The following AGBL4 variants were observed in gnomAD, a reference collection of about 807,000 sequenced individuals.
AGBL4 encodes the protein AGBL carboxypeptidase 4, also known as cytosolic carboxypeptidase 6.
In AGBL4, 58 loss-of-function variants were observed where a neutral mutation model predicts 66.4. The observed-to-expected ratio is 0.87, with a 90% CI of 0.71 to 1.09. AGBL4 has a LOEUF of 1.09. AGBL4 is among the 50% of genes least tolerant of loss of function. The pLI is 0.00. For missense variants in AGBL4, 579 were observed against 631.0 expected (o/e 0.92, Z 0.88); for synonymous variants, 234 against 222.9 (o/e 1.05, Z -0.44).
intron 6 of AGBL4, among the ~76,000 whole-genome samples, chr1:48,790,434 T>C (rs945537093): frequency 3.9e-5 from 6 of 152,184 alleles, no homozygotes; most frequent in Non-Finnish European, 7.4e-5. Flanking sequence ...TTTCCCTTTT[T>C]TTGGCAATGT....
chr1:49,277,681 A>G (rs1035287413), intron 3 of AGBL4, among the ~76,000 whole-genome samples: 15 of 151,816 alleles, frequency 9.9e-5, no homozygotes, highest in African/African-American at 3.4e-4. Context: ...AAGTGGGAAA[A>G]TTGAAGATCA....
chr1:49,425,753 G>C (rs1293006258), intron 3 of AGBL4, among the ~76,000 whole-genome samples: 1 of 152,168 alleles, frequency 6.6e-6, no homozygotes, highest in East Asian at 1.9e-4. Context: ...TAGAGACCAG[G>C]GGTGAGGGGG....
intron 8 of AGBL4, among the ~76,000 whole-genome samples, chr1:48,642,112 C>T (rs1336142816): frequency 1.3e-5 from 2 of 152,130 alleles, no homozygotes; most frequent in African/African-American, 2.4e-5. Context: ...CCATAGCCCC[C>T]ATTGACCCCT....
chr1:49,132,225 T>C (rs2148071248), intron 4 of AGBL4, among the ~76,000 whole-genome samples: 1 of 152,082 alleles, frequency 6.6e-6, no homozygotes, highest in Non-Finnish European at 1.5e-5. Context: ...TTAGACTATC[T>C]CTTGGGTTTG....
intron 3 of AGBL4, among the ~76,000 whole-genome samples, chr1:49,503,121 C>A (rs1047722290): frequency 6.6e-6 from 1 of 151,992 alleles, no homozygotes; most frequent in Admixed American, 6.6e-5. Flanking sequence ...AGCCTTGGGA[C>A]TTGGTGCCCT....
chr1:50,020,187 T>G (rs1213821037), intron 1 of AGBL4, among the ~76,000 whole-genome samples: 1 of 152,050 alleles, frequency 6.6e-6, no homozygotes, highest in Non-Finnish European at 1.5e-5. Context: ...ATGTCTGCCT[T>G]TCTTCTGACA....
intron 9 of AGBL4, among the ~76,000 whole-genome samples, chr1:48,613,528 T>A (rs967201825): frequency 6.6e-6 from 1 of 152,226 alleles, no homozygotes; most frequent in Non-Finnish European, 1.5e-5. Flanking sequence ...GAAGAGTATA[T>A]ATACCCACCA....
chr1:49,610,087 A>C lies in AGBL4; in HGVS notation c.282+87226T>G, dbSNP rs151008230. 2.4e-4 allele frequency among the ~76,000 whole-genome samples: 37 copies of C among 152,308 alleles called. 1 individual carries two copies. The highest frequency in any genetic ancestry group is 8.7e-4 in the African/African-American group (36 of 41,570). Reference sequence around the variant, plus strand: ...AGGCAATAGAAAATAAAAAATAAAAATAAGATAAAGTTAGTAATACTGGGC... The same window carrying C: ...AGGCAATAGAAAATAAAAAATAAAACTAAGATAAAGTTAGTAATACTGGGC... On this transcript the variant is annotated intron_variant, in intron 3 of 13. Coordinates refer to ENST00000371839, the MANE Select transcript of AGBL4 (RefSeq NM_032785.4).
intron 4 of AGBL4, among the ~76,000 whole-genome samples, chr1:49,086,277 C>A (rs974635865): frequency 2.0e-5 from 3 of 152,186 alleles, no homozygotes; most frequent in Non-Finnish European, 2.9e-5. Flanking sequence ...ATTCCCATTG[C>A]TAGTAGCCAG....
intron 3 of AGBL4, among the ~76,000 whole-genome samples, chr1:49,514,029 T>C (rs1192806513): frequency 2.0e-5 from 3 of 151,970 alleles, no homozygotes; most frequent in African/African-American, 7.2e-5. Flanking sequence ...TTGTCTGTTA[T>C]TGGTGTATAA....
chr1:49,426,130 C>T (rs926184229), intron 3 of AGBL4, among the ~76,000 whole-genome samples: 4 of 152,094 alleles, frequency 2.6e-5, no homozygotes, highest in Non-Finnish European at 2.9e-5. Flanking sequence ...CTTTCATAAA[C>T]GCATATTGAA....
intron 3 of AGBL4, among the ~76,000 whole-genome samples, chr1:49,580,684 T>A (rs2148882881): frequency 6.6e-6 from 1 of 152,322 alleles, no homozygotes; most frequent in African/African-American, 2.4e-5. Flanking sequence ...ACTGACAGTT[T>A]TTTTCTTTCA....
intron 5 of AGBL4, among the ~76,000 whole-genome samples, chr1:48,919,844 A>G (rs184980866): frequency 1.3e-5 from 2 of 152,264 alleles, no homozygotes; most frequent in Admixed American, 1.3e-4. Context: ...TAAGAGAACA[A>G]CATAAGGGAT....
intron 3 of AGBL4, among the ~76,000 whole-genome samples, chr1:49,551,470 CT>C (rs1174666670): frequency 6.6e-6 from 1 of 152,178 alleles, no homozygotes; most frequent in African/African-American, 2.4e-5. Flanking sequence ...TGTTCAGATT[CT>C]TTTGTCCCAC....
chr1:49,657,295 T>C (rs373495080), intron 3 of AGBL4, among the ~76,000 whole-genome samples: 3 of 152,066 alleles, frequency 2.0e-5, no homozygotes, highest in Non-Finnish European at 4.4e-5. Flanking sequence ...GAATCCAACT[T>C]ACAAGGGATG....
chr1:48,985,263 A>G (rs1660092023), intron 5 of AGBL4, among the ~76,000 whole-genome samples: 1 of 152,114 alleles, frequency 6.6e-6, no homozygotes, highest in Admixed American at 6.6e-5. Flanking sequence ...ATACTCCCTG[A>G]GTTAAAGGGA....
intron 4 of AGBL4, among the ~76,000 whole-genome samples, chr1:49,060,852 T>C (rs1408280470): frequency 6.6e-6 from 1 of 152,168 alleles, no homozygotes; most frequent in East Asian, 1.9e-4. Context: ...GTGGAAAGAC[T>C]GAGGAGTAGA....
chr1:48,634,865 G>A (rs911872749), intron 8 of AGBL4, among the ~76,000 whole-genome samples: 5 of 152,140 alleles, frequency 3.3e-5, no homozygotes, highest in African/African-American at 1.2e-4. Context: ...CTGTGGTGTA[G>A]CCTCATGTCA....
At chr1:48,996,979 A>G (rs1661062548) in intron 5 of AGBL4, among the ~76,000 whole-genome samples, 1 of 152,120 alleles carries the variant, frequency 6.6e-6, no homozygotes, top group South Asian at 2.1e-4. Flanking sequence ...CTGGAGTGCA[A>G]TGGTGCAATC....
Sources: allele counts gnomAD v4.1 joint callset (sites outside exome capture counted in the v4.1 genomes callset), GRCh38; gene constraint gnomAD v4.1.1; transcripts MANE v1.5; gene names NCBI Gene and HGNC (gene_info 2026-07-23, HGNC 2026-07-21).